IRF3: variants seen among roughly 807,000 people sequenced by gnomAD.
IRF3 encodes the protein interferon regulatory factor 3.
Under a neutral mutation model 43.2 loss-of-function variants are expected in IRF3, and 29 were observed. That is an observed-to-expected ratio of 0.67 (90% CI 0.50 to 0.91). The LOEUF is 0.91. Ranked by LOEUF, IRF3 falls within the 40% of genes least tolerant of loss-of-function variation. The probability of loss-of-function intolerance (pLI) is 0.00; values close to 1 mark genes in which losing one functional copy is unlikely to be tolerated. For missense variants in IRF3, 505 were observed against 559.1 expected (o/e 0.90, Z 0.98); for synonymous variants, 228 against 233.9 (o/e 0.97, Z 0.23).
rs758304643 is a variant in IRF3 at position 49,661,930 on chromosome 19, A to T, written c.982+18T>A. ...GGCTGCTTTGTACTGGCCAGGTCGAAGCCCCTGTCTCACTCACCTACAATG... is the reference window on the plus strand; with the variant it reads ...GGCTGCTTTGTACTGGCCAGGTCGATGCCCCTGTCTCACTCACCTACAATG... On this transcript the variant is annotated intron_variant, in intron 6 of 7. Transcript: ENST00000377139. 11 of 1,591,446 alleles carry T rather than the reference A, an allele frequency of 6.9e-6. No homozygotes were observed. In the African/African-American group the frequency reaches 1.3e-4, roughly 19 times the overall value.
At position 49,662,534 on chromosome 19, in the gene IRF3, A is replaced by G. The variant is rs1024647445; in HGVS notation, c.492T>C (p.Pro164=). 1.8e-5 allele frequency: 27 copies of G among 1,537,398 alleles called. No homozygotes were observed. Among genetic ancestry groups the G allele is most frequent in the Non-Finnish European group, 2.3e-5 (26 of 1,146,338 alleles). ...DPGPPSLAVA[P]EPCPQPLRSP... The stretch of plus-strand genomic sequence containing the variant: ...TCCGCAGGGGCTGAGGGCAGGGCTC[A>G]GGGGCTACAGCCAGGCTTGGGGGTC... The change falls in exon 5 of 8, where the codon CCT becomes CCC. Residue 164 remains proline (P), a synonymous_variant. Transcript: ENST00000377139.
chr19:49,660,541 C>A (rs1435272553), intron 7 of IRF3, among the ~76,000 whole-genome samples, 172 bp downstream of exon 7: 1 of 152,134 alleles, frequency 6.6e-6, no homozygotes, highest in African/African-American at 2.4e-5. Flanking sequence ...AAAACAGGTT[C>A]TGCAGGTGAG....
rs1374186901 is a variant in IRF3, at chr19:49,660,633, G to A, written c.1098+80C>T. 2.9e-6 allele frequency: 4 copies of A among 1,387,082 alleles called. No homozygotes were observed. In the African/African-American group the frequency reaches 6.0e-5, roughly 21 times the overall value. The allele number at this position is 1,387,082 out of a possible 1,614,324, so 85.9% of individuals were successfully genotyped here. The stretch of plus-strand genomic sequence containing the variant: ...TTGCAGTTTTTTAGAGGGCCCTCTG[G>A]GAGTTGGAGTTCCTGGGAGCAACCT... On this transcript the variant is annotated intron_variant, in intron 7 of 7. Transcript: ENST00000377139.
chr19:49,662,567 T>C lies in IRF3; in HGVS notation c.459A>G (p.Pro153=). 6.5e-7 allele frequency: 1 copy of C among 1,527,374 alleles called. No homozygotes were observed. Among genetic ancestry groups the C allele is most frequent in the South Asian group, 1.3e-5 (1 of 79,810 alleles). 94.6% of individuals were successfully genotyped at this position (1,527,374 alleles called of 1,614,324 possible). Residue 153 remains proline, a synonymous_variant, in exon 5 of 8, where the codon CCA becomes CCG. Coordinates refer to ENST00000377139, the MANE Select transcript of IRF3 (RefSeq NM_001571.6). ...CAGCCAGGCTTGGGGGTCCCGGATC[T>C]GGGAGTGGGGCCAACACCATGTTAC... ...LLGNMVLAPL[P]DPGPPSLAVA...
At chr19:49,660,328 G>A (rs1296126891) in intron 7 of IRF3, among the ~76,000 whole-genome samples, 1 of 152,182 alleles carries the variant, frequency 6.6e-6, no homozygotes, top group Non-Finnish European at 1.5e-5. Context: ...ATCAGCGGCA[G>A]CATTAGATTC....
At chr19:49,660,852 G>A (rs1358201215) in intron 6 of IRF3, 24 bp from the exon 7 acceptor site, 1 of 1,570,764 alleles carries the variant, frequency 6.4e-7, no homozygotes. Context: ...AGCCTAGTCA[G>A]GGATGAGAAG....
At chr19:49,664,325 G>T in intron 2 of IRF3, 1 of 695,410 alleles carries the variant, frequency 1.4e-6, no homozygotes, top group Non-Finnish European at 2.3e-6. Context: ...CAGATTTGGG[G>T]CTCCAGGCCT....
Position 49,663,235 on chromosome 19 carries a change from C to A in IRF3, c.361G>T (p.Asp121Tyr). The change falls in exon 4 of 8, where the codon GAC becomes TAC. Residue 121 changes from aspartate to tyrosine, a missense_variant. Physicochemically the swap from Asp to Tyr is radical, Grantham distance 160. Transcript: ENST00000377139. ...NSGVGDFSQP[D>Y]TSPDTNGGGS... ...CCACCATTGGTGTCCGGAGAGGTGT[C>A]TGGCTGGGAAAAGTCCCCAACTCCT... 1 of 1,614,180 alleles carries A rather than the reference C, an allele frequency of 6.2e-7. No individual in the cohort carries two copies. Among genetic ancestry groups the A allele is most frequent in the African/African-American group, 1.3e-5 (1 of 75,040 alleles).
chr19:49,663,772 T>G (rs1003537960), intron 2 of IRF3: 36 of 460,128 alleles, frequency 7.8e-5, no homozygotes, highest in Non-Finnish European at 1.4e-4. Flanking sequence ...CTCAGCTCAC[T>G]GCAACTTCCG....
rs1568452113 is a variant in IRF3, at chr19:49,660,029, C to CACACACACACA, written c.1099-197_1099-196insTGTGTGTGTGT. Among the ~76,000 whole-genome samples, 36 of 48,558 alleles carry CACACACACACA rather than the reference C, an allele frequency of 7.4e-4. 1 individual carries two copies. The highest frequency in any genetic ancestry group is 1.5e-3 in the East Asian group (3 of 1,990). The allele number at this position is 48,558 out of a possible 152,430, so 31.9% of individuals were successfully genotyped here. A position where few individuals can be genotyped will look rare whatever the true frequency, so the allele number is the denominator to read the frequency against. ...CACACACACACACACACACACACACCCCCTGCTGTAACTGAACCATAGGCC... is the reference window on the plus strand; with the variant it reads ...CACACACACACACACACACACACACCACACACACACACCCTGCTGTAACTGAACCATAGGCC... On this transcript the variant is annotated intron_variant, in intron 7 of 7. Coordinates refer to ENST00000377139, the MANE Select transcript of IRF3 (RefSeq NM_001571.6).
intron 2 of IRF3, 127 bp from the exon 3 acceptor site, chr19:49,663,641 C>T (rs545928361): frequency 8.0e-6 from 7 of 875,398 alleles, no homozygotes; most frequent in Non-Finnish European, 1.2e-5. Flanking sequence ...CTGCAAGGTC[C>T]ATCCCCAAAT....
intron 2 of IRF3, 61 bp downstream of exon 2, chr19:49,664,613 G>A: frequency 1.2e-6 from 2 of 1,609,518 alleles, no homozygotes; most frequent in Non-Finnish European, 1.7e-6. Context: ...GGGCCCACTA[G>A]GAGTCCTTTC....
Position 49,662,118 on chromosome 19 carries a change from C to T in IRF3, c.812G>A (p.Gly271Glu). The change falls in exon 6 of 8, where the codon GGA becomes GAA. Residue 271 changes from glycine to glutamate, a missense_variant. By Grantham distance (98) the Gly-to-Glu change is moderately conservative (BLOSUM62 -2). Transcript: ENST00000377139. ...CTGCCCGGCCCGCCAGAGAGCCAGT[C>T]CCCCACCCAGGCAGCTCAGCACATG... ...VRHVLSCLGG[G>E]LALWRAGQWL... 1 of 1,613,798 alleles carries T rather than the reference C, an allele frequency of 6.2e-7. No individual in the cohort carries two copies. Among genetic ancestry groups the T allele is most frequent in the Non-Finnish European group, 8.5e-7 (1 of 1,179,780 alleles).
chr19:49,664,349 T>G, intron 2 of IRF3: 1 of 954,702 alleles, frequency 1.0e-6, no homozygotes, highest in Non-Finnish European at 1.5e-6. Flanking sequence ...CTCTGATGTT[T>G]CAAGAACCAT....
chr19:49,663,831 G>A (rs888803953), intron 2 of IRF3: 1 of 326,302 alleles, frequency 3.1e-6, no homozygotes, highest in Non-Finnish European at 5.8e-6. Flanking sequence ...GAGTAGCTGG[G>A]ATTACAGGTG....
At chr19:49,659,910 G>C (rs773103547) in intron 7 of IRF3, 77 bp from the exon 8 acceptor site, 62 of 1,469,200 alleles carry the variant, frequency 4.2e-5, no homozygotes, top group Non-Finnish European at 5.7e-5. Context: ...GGGCTTGGAG[G>C]ACTACAACTC....
At chr19:49,663,564 G>A in intron 2 of IRF3, 50 bp from the exon 3 acceptor site, 2 of 1,579,986 alleles carry the variant, frequency 1.3e-6, no homozygotes, top group Non-Finnish European at 1.7e-6. Flanking sequence ...CTTAGATCCT[G>A]CTCCTGGGGC....
At position 49,659,794 on chromosome 19, in the gene IRF3, GGGCCATTTCTACCAAGGCCCTGA is replaced by G; in HGVS notation, c.1115_1137del (p.Leu372ProfsTer69). 6.2e-7 allele frequency: 1 copy of G among 1,608,116 alleles called. No homozygotes were observed. The highest frequency in any genetic ancestry group is 1.1e-5 in the South Asian group (1 of 90,546). ...TCCAGGGAGGAGGCACCCCCTACCC[GGGCCATTTCTACCAAGGCCCTGA>G]GGCACGTGGGCACAACCTGCAGGGG... On this transcript the variant is annotated frameshift_variant, in exon 8 of 8. Transcript: ENST00000377139. LOFTEE classifies it high-confidence loss of function.
chr19:49,661,598 C>G (rs147671435), intron 6 of IRF3: 1 of 171,356 alleles, frequency 5.8e-6, no homozygotes, highest in East Asian at 1.6e-4. Context: ...TTTTGTTGTT[C>G]GAGATGGAGT....
Sources: allele counts gnomAD v4.1 joint callset (sites outside exome capture counted in the v4.1 genomes callset), GRCh38; gene constraint gnomAD v4.1.1; transcripts MANE v1.5; gene names NCBI Gene and HGNC (gene_info 2026-07-23, HGNC 2026-07-21).